Variants in CNTNAP2 observed in about 807,000 individuals in gnomAD.
CNTNAP2 encodes contactin-associated protein-like 2.
A neutral mutation model predicts 155.2 loss-of-function variants in CNTNAP2; 98 were observed. That is an observed-to-expected ratio of 0.63 (90% CI 0.54 to 0.75). CNTNAP2 has a LOEUF of 0.75. Among genes scored for constraint, CNTNAP2 ranks in the 30% least tolerant of loss-of-function variants. The pLI is 0.00. For missense variants in CNTNAP2, 1,727 were observed against 1,688.1 expected, an observed-to-expected ratio of 1.02 and a Z score of -0.40; for synonymous variants, 651 against 631.2, an observed-to-expected ratio of 1.03 and a Z score of -0.47.
intron 20 of CNTNAP2, among the ~76,000 whole-genome samples, chr7:148,237,959 T>G (rs1406600): frequency 0.72 from 108,828 of 152,070 alleles, 39,878 homozygotes; most frequent in South Asian, 0.91. Context: ...AGCCCTTTCT[T>G]ACATATCGAA....
chr7:147,572,455 C>T (rs949275162), intron 12 of CNTNAP2, among the ~76,000 whole-genome samples: 2 of 152,096 alleles, frequency 1.3e-5, no homozygotes, highest in African/African-American at 4.8e-5. Flanking sequence ...TTTCCAAAAT[C>T]GTACTCTCTA....
chr7:146,234,892 G>T (rs1220871669), intron 1 of CNTNAP2, among the ~76,000 whole-genome samples: 1 of 152,174 alleles, frequency 6.6e-6, no homozygotes, highest in Non-Finnish European at 1.5e-5. Context: ...CAATTGTCCT[G>T]CTTGATTTCC....
intron 8 of CNTNAP2, among the ~76,000 whole-genome samples, chr7:147,137,904 GATAGATAGATAGGTAGATAGATA>G (rs1801518370): frequency 7.5e-6 from 1 of 134,088 alleles, no homozygotes; most frequent in African/African-American, 2.6e-5. Flanking sequence ...TAGATAGATA[GATAGATAGATAGGTAGATAGATA>G]AAAAGTATTG....
intron 13 of CNTNAP2, among the ~76,000 whole-genome samples, chr7:147,828,767 T>G (rs896095020): frequency 2.0e-5 from 3 of 152,222 alleles, no homozygotes; most frequent in Admixed American, 6.5e-5. Context: ...AATTAAAGTC[T>G]TAAATGTCCT....
intron 11 of CNTNAP2, among the ~76,000 whole-genome samples, chr7:147,547,579 C>G (rs1432901564): frequency 6.6e-6 from 1 of 151,740 alleles, no homozygotes; most frequent in Non-Finnish European, 1.5e-5. Context: ...GCATGAGGAG[C>G]TTTGTTTTTG....
intron 3 of CNTNAP2, among the ~76,000 whole-genome samples, chr7:146,902,840 C>T (rs760955412): frequency 6.6e-6 from 1 of 152,148 alleles, no homozygotes; most frequent in Non-Finnish European, 1.5e-5. Flanking sequence ...CTCTGTTTCC[C>T]GAGATGGGCC....
intron 1 of CNTNAP2, among the ~76,000 whole-genome samples, chr7:146,483,282 A>AAAT (rs1178407767): frequency 1.9e-3 from 76 of 39,844 alleles, no homozygotes; most frequent in Middle Eastern, 0.013. Context: ...TCTAAAAAAA[A>AAAT]ATATATATAT....
intron 8 of CNTNAP2, among the ~76,000 whole-genome samples, chr7:147,277,698 T>C (rs1427557236): frequency 6.6e-6 from 1 of 151,868 alleles, no homozygotes; most frequent in Non-Finnish European, 1.5e-5. Context: ...ATAGCTGCTA[T>C]ATTCATCCTC....
chr7:147,475,151 T>C (rs1798294813), intron 10 of CNTNAP2, among the ~76,000 whole-genome samples: 1 of 152,244 alleles, frequency 6.6e-6, no homozygotes, highest in Non-Finnish European at 1.5e-5. Context: ...ATAAATATTT[T>C]TCCCTAGATT....
intron 9 of CNTNAP2, among the ~76,000 whole-genome samples, chr7:147,355,372 A>G (rs1796044705): frequency 6.6e-6 from 1 of 152,096 alleles, no homozygotes; most frequent in African/African-American, 2.4e-5. Context: ...TAACGTTACA[A>G]TTTAAGGAAC....
chr7:148,211,290 A>G (rs752671078), intron 18 of CNTNAP2, among the ~76,000 whole-genome samples: 18 of 152,242 alleles, frequency 1.2e-4, no homozygotes, highest in Non-Finnish European at 2.1e-4. Context: ...AATCCAGGAT[A>G]TCTGGGAAGA....
chr7:148,314,533 C>G (rs1797652633), intron 21 of CNTNAP2, among the ~76,000 whole-genome samples: 2 of 152,130 alleles, frequency 1.3e-5, no homozygotes, highest in Middle Eastern at 3.4e-3. Flanking sequence ...AGGGTGGAAG[C>G]TTGCCCATAG....
At chr7:148,120,599 T>C (rs1286785708) in intron 16 of CNTNAP2, among the ~76,000 whole-genome samples, 10 of 152,202 alleles carry the variant, frequency 6.6e-5, no homozygotes, top group Admixed American at 6.5e-4. Flanking sequence ...TCTTTAGAGC[T>C]GTCTTCAGAG....
chr7:146,957,383 T>C (rs1024610097), intron 3 of CNTNAP2, among the ~76,000 whole-genome samples: 1 of 152,214 alleles, frequency 6.6e-6, no homozygotes. Flanking sequence ...AGTGTGTCCT[T>C]GACTGCAACG....
chr7:148,113,421 C>T lies in CNTNAP2; in HGVS notation c.2384-4697C>T, dbSNP rs1053800745. ...TGGTGCTAAACTATTCATGAGAAAC[C>T]GCCCCCAGGATCCAATCACCTCCCA... On this transcript the variant is annotated intron_variant, in intron 15 of 23. Transcript: ENST00000361727. Among the ~76,000 whole-genome samples the T allele has an allele frequency of 5.9e-5, 9 of 152,104 alleles. No individual in the cohort carries two copies. The East Asian group carries it at 1.2e-3, about 20-fold the overall frequency.
intron 13 of CNTNAP2, among the ~76,000 whole-genome samples, chr7:147,726,598 T>C (rs1264173952): frequency 6.6e-6 from 1 of 151,898 alleles, no homozygotes; most frequent in Non-Finnish European, 1.5e-5. Flanking sequence ...TCCGAGAAGG[T>C]TGAGAACGTC....
intron 13 of CNTNAP2, among the ~76,000 whole-genome samples, chr7:147,816,145 T>A (rs754643986): frequency 1.3e-5 from 2 of 148,540 alleles, no homozygotes; most frequent in Admixed American, 6.7e-5. Flanking sequence ...GAATTTCCCA[T>A]CCACACAGGA....
intron 21 of CNTNAP2, among the ~76,000 whole-genome samples, chr7:148,323,534 T>C (rs1041947310): frequency 2.6e-5 from 4 of 151,990 alleles, no homozygotes; most frequent in African/African-American, 9.7e-5. Context: ...TTGAATTGAA[T>C]TCCTGACATT....
chr7:147,374,809 C>G (rs1302336033), intron 9 of CNTNAP2, among the ~76,000 whole-genome samples: 1 of 151,964 alleles, frequency 6.6e-6, no homozygotes, highest in Non-Finnish European at 1.5e-5. Flanking sequence ...CGTCATTTTC[C>G]TCAGTAGCAG....
Sources: allele counts gnomAD v4.1 joint callset (sites outside exome capture counted in the v4.1 genomes callset), GRCh38; gene constraint gnomAD v4.1.1; transcripts MANE v1.5; gene names NCBI Gene and HGNC (gene_info 2026-07-23, HGNC 2026-07-21).